GNL3L: variants seen among roughly 807,000 people sequenced by gnomAD.
GNL3L encodes the protein guanine nucleotide-binding protein-like 3-like protein.
Under a neutral mutation model 42.9 loss-of-function variants are expected in GNL3L, and 4 were observed. That is an observed-to-expected ratio of 0.09 (90% confidence interval 0.05 to 0.21). The LOEUF is 0.21. Among genes scored for constraint, GNL3L ranks in the 10% least tolerant of loss-of-function variants. The probability of loss-of-function intolerance (pLI) is 1.00; values close to 1 mark genes in which losing one functional copy is unlikely to be tolerated. For missense variants in GNL3L, 412 were observed against 481.7 expected, an observed-to-expected ratio of 0.86 and a Z score of 1.36; for synonymous variants, 159 against 176.3, an observed-to-expected ratio of 0.90 and a Z score of 0.78.
At chrX:54,592,007 G>A (rs1347867650) in intron 16 of GNL3L, among the ~76,000 whole-genome samples, 1 of 111,486 alleles carries the variant, frequency 9.0e-6, no homozygotes, top group Non-Finnish European at 1.9e-5. Context: ...GTGTTTTATA[G>A]TTTCCATTAT....
intron 15 of GNL3L, among the ~76,000 whole-genome samples, chrX:54,559,925 G>A (rs1173323103): frequency 2.7e-5 from 3 of 111,730 alleles, no homozygotes; most frequent in East Asian, 5.6e-4. Context: ...ATTAGGGAGT[G>A]AGGAGGAGAC....
chrX:54,631,270 A>C, the GNL3L span, among the ~76,000 whole-genome samples: 16,224 of 110,745 alleles, frequency 0.15, 1,925 homozygotes, highest in African/African-American at 0.4. Context: ...GGGTATAGTT[A>C]AAGTACATTT....
chrX:54,597,665 A>T (rs1292963424), intron 16 of GNL3L, among the ~76,000 whole-genome samples: 1 of 110,979 alleles, frequency 9.0e-6, no homozygotes, highest in Non-Finnish European at 1.9e-5. Context: ...TTTCAAGTTT[A>T]TTTGTAGCCC....
At chrX:54,630,869 C>G in the GNL3L span, among the ~76,000 whole-genome samples, 1 of 104,639 alleles carries the variant, frequency 9.6e-6, no homozygotes, top group Non-Finnish European at 1.9e-5. Context: ...GTGCAGGGCA[C>G]AATATTGGCT....
the GNL3L span, among the ~76,000 whole-genome samples, chrX:54,637,233 CTTCT>C: frequency 9.0e-6 from 1 of 111,145 alleles, no homozygotes; most frequent in Non-Finnish European, 1.9e-5. Context: ...CCTTATCTTC[CTTCT>C]TTATTTTTTT....
chrX:54,617,856 C>T (rs780976049), intron 16 of GNL3L, among the ~76,000 whole-genome samples: 2 of 111,464 alleles, frequency 1.8e-5, no homozygotes, highest in East Asian at 2.8e-4. Flanking sequence ...GTAAGAAATA[C>T]GTTTCTGTTA....
chrX:54,593,064 T>C (rs909346982), intron 16 of GNL3L, among the ~76,000 whole-genome samples: 1 of 111,541 alleles, frequency 9.0e-6, no homozygotes, highest in African/African-American at 3.3e-5. Flanking sequence ...ATCAGTGATA[T>C]TGTCCTATAG....
intron 16 of GNL3L, among the ~76,000 whole-genome samples, chrX:54,593,596 T>A (rs781500206): frequency 1.8e-5 from 2 of 111,204 alleles, no homozygotes; most frequent in East Asian, 5.6e-4. Flanking sequence ...TCATTTCATA[T>A]TTATTTATTT....
chrX:54,631,245 A>C, the GNL3L span, among the ~76,000 whole-genome samples: 53 of 111,516 alleles, frequency 4.8e-4, no homozygotes, highest in Admixed American at 3.9e-3. Context: ...ATATCTGTTA[A>C]ATCCATTTGT....
rs748529245 is a variant in GNL3L at position 54,552,396 on chromosome X, A to G, written c.1286A>G (p.Asp429Gly). ...ATGACCGAGGTCTTTGACATCGAGG[A>G]TACTGAGCAGGCCAATGAAGACACC... ...KEMTEVFDIEDTEQANEDTME... is the reference protein window; with the variant it reads ...KEMTEVFDIEGTEQANEDTME... Residue 429 changes from aspartate to glycine, a missense_variant, in exon 13 of 16, where the codon GAT becomes GGT. By Grantham distance (94) the Asp-to-Gly change is moderately conservative. Transcript: ENST00000360845. 1 of 1,210,470 alleles carries G rather than the reference A, an allele frequency of 8.3e-7. No homozygotes were observed. The highest frequency in any genetic ancestry group is 2.2e-5 in the Admixed American group (1 of 45,966).
chrX:54,616,350 ATAT>A lies in GNL3L; in HGVS notation c.*46-4491_*46-4489del, dbSNP rs753553865. 1.7e-3 allele frequency among the ~76,000 whole-genome samples: 197 copies of A among 112,872 alleles called. 1 individual carries two copies. In the Middle Eastern group the frequency reaches 0.023, roughly 13 times the overall value. Reference sequence around the variant, plus strand: ...TTTCTGGATGTTCAAAATAAGGAACATATTATATGCACCAAACTTAGCATAATA... The same window carrying A: ...TTTCTGGATGTTCAAAATAAGGAACATATATGCACCAAACTTAGCATAATA... On this transcript the variant is annotated intron_variant, in intron 16 of 16. Coordinates refer to the GNL3L transcript ENST00000674498.
chrX:54,572,515 G>T (rs1360878255), intron 16 of GNL3L, among the ~76,000 whole-genome samples: 1 of 111,870 alleles, frequency 8.9e-6, no homozygotes, highest in African/African-American at 3.2e-5. Context: ...TCAATGAGCT[G>T]TTGGGCACAC....
downstream of GNL3L, among the ~76,000 whole-genome samples, chrX:54,569,544 A>G (rs1323164690): frequency 8.9e-6 from 1 of 112,150 alleles, no homozygotes; most frequent in Non-Finnish European, 1.9e-5. Context: ...GAAAATGCAA[A>G]GTAGTTAGAA....
chrX:54,616,570 C>T (rs1370693603), intron 16 of GNL3L, among the ~76,000 whole-genome samples: 2 of 111,658 alleles, frequency 1.8e-5, no homozygotes, highest in Non-Finnish European at 3.8e-5. Flanking sequence ...TTTTTGTTCC[C>T]GTTTTAGTTT....
chrX:54,607,254 A>G (rs1480110705), intron 16 of GNL3L, among the ~76,000 whole-genome samples: 1 of 97,381 alleles, frequency 1.0e-5, no homozygotes, highest in Non-Finnish European at 2.1e-5. Context: ...CCCTGAGCAG[A>G]AAAAAAATGA....
rs772523345 is a variant in GNL3L, at chrX:54,566,861, C to T, written c.*6259C>T. 8.9e-6 allele frequency among the ~76,000 whole-genome samples: 1 copy of T among 111,782 alleles called. No individual in the cohort carries two copies. The highest frequency in any genetic ancestry group is 3.7e-4 in the South Asian group (1 of 2,671). On this transcript the variant is annotated 3_prime_UTR_variant, in exon 16 of 16. Transcript: ENST00000360845. ...TGCTCATAGGTCACTGTAGCTTCGACCTCCTGGGCTCAAGCGAACCTCCCA... is the reference window on the plus strand; with the variant it reads ...TGCTCATAGGTCACTGTAGCTTCGATCTCCTGGGCTCAAGCGAACCTCCCA...
rs1316298302 is a variant in GNL3L, at chrX:54,530,322, CCTCTTTT to C, written c.-141_-135del. On this transcript the variant is annotated 5_prime_UTR_variant, in exon 1 of 16. Coordinates refer to ENST00000360845, the MANE Select transcript of GNL3L (RefSeq NM_001184819.2). ...GGAAGTGTAAGTAAGAAACTTCTCT[CCTCTTTT>C]CTCACAATGTGCGCTCACCTAGACG... 1.8e-5 allele frequency: 2 copies of C among 110,841 alleles called. No individual in the cohort carries two copies. Among genetic ancestry groups the C allele is most frequent in the Non-Finnish European group, 3.8e-5 (2 of 52,798 alleles). The allele number at this position is 110,841 out of a possible 1,213,427, so 9.1% of individuals were successfully genotyped here.
At chrX:54,596,960 G>C (rs935603157) in intron 16 of GNL3L, among the ~76,000 whole-genome samples, 1 of 111,284 alleles carries the variant, frequency 9.0e-6, no homozygotes, top group African/African-American at 3.3e-5. Context: ...CTCTGGCAAA[G>C]GGCAGGTCCA....
intron 16 of GNL3L, among the ~76,000 whole-genome samples, chrX:54,597,168 G>A (rs1486150080): frequency 9.0e-6 from 1 of 111,645 alleles, no homozygotes; most frequent in Non-Finnish European, 1.9e-5. Context: ...AAGCCAGCAA[G>A]TCTCAGAGTC....
Sources: allele counts gnomAD v4.1 joint callset (sites outside exome capture counted in the v4.1 genomes callset), GRCh38; gene constraint gnomAD v4.1.1; transcripts MANE v1.5; gene names NCBI Gene and HGNC (gene_info 2026-07-23, HGNC 2026-07-21).